Variants in SESN3 observed in about 807,000 individuals in gnomAD.
SESN3 encodes the protein sestrin-3.
A neutral mutation model predicts 55.3 loss-of-function variants in SESN3; 21 were observed. That is an observed-to-expected ratio of 0.38 (90% CI 0.27 to 0.55). The LOEUF is 0.55. Ranked by LOEUF, SESN3 falls within the 20% of genes least tolerant of loss-of-function variation. The pLI, the probability that SESN3 is intolerant of heterozygous loss-of-function variation, is 0.76. For missense variants in SESN3, 408 were observed against 604.3 expected (o/e 0.68, Z 3.41); for synonymous variants, 181 against 203.1 (o/e 0.89, Z 0.93).
chr11:95,175,396 T>C, intron 9 of SESN3, 102 bp downstream of exon 9: 2 of 1,037,490 alleles, frequency 1.9e-6, no homozygotes, highest in African/African-American at 1.6e-5. Context: ...TCCATGTCAA[T>C]GGCTATAATT....
intron 1 of SESN3, among the ~76,000 whole-genome samples, chr11:95,208,826 T>C (rs1414203857): frequency 6.6e-6 from 1 of 151,480 alleles, no homozygotes; most frequent in African/African-American, 2.4e-5. Context: ...AGGAAAGGAT[T>C]CCCTATTTAA....
chr11:95,179,852 T>C (rs1180234542), intron 6 of SESN3, among the ~76,000 whole-genome samples: 2 of 152,176 alleles, frequency 1.3e-5, no homozygotes, highest in Non-Finnish European at 2.9e-5. Flanking sequence ...CAAAGTGGCA[T>C]TCAGGAAGAT....
chr11:95,230,805 T>C lies in SESN3; in HGVS notation c.56A>G (p.Asn19Ser), dbSNP rs1475359439. 2 of 1,607,016 alleles carry C rather than the reference T, an allele frequency of 1.2e-6. No individual in the cohort carries two copies. Among genetic ancestry groups the C allele is most frequent in the Non-Finnish European group, 1.7e-6 (2 of 1,177,728 alleles). ...TACCTTCCGCAGCACTTTCCGGCAG[T>C]TGGTACAGAGCAGGTAGTTGGCGGC... ...SAAANYLLCTNCRKVLRKDKR... is the reference protein window; with the variant it reads ...SAAANYLLCTSCRKVLRKDKR... Residue 19 changes from asparagine to serine, a missense_variant, in exon 1 of 10, where the codon AAC becomes AGC. This residue lies in a region of SESN3 where 61 missense variants were observed against 48.3 expected (regional missense o/e 1.26). Transcript: ENST00000536441. This position sits in a 1 kb window ranked among gnomAD's most constrained non-coding sequence, Gnocchi z 4.6.
At chr11:95,174,149 G>A (rs892587409) in intron 9 of SESN3, among the ~76,000 whole-genome samples, 1 of 152,100 alleles carries the variant, frequency 6.6e-6, no homozygotes, top group Non-Finnish European at 1.5e-5. Context: ...GTGGCTCTAA[G>A]ACTTCAAAAA....
In SESN3 at chr11:95,191,428, T is replaced by A; in HGVS notation, c.318A>T (p.Pro106=). ...CCATTATTGCAATATAGTGCCTGTATGGTAGAGGAAGGGGACCATCCATGC... is the reference window on the plus strand; with the variant it reads ...CCATTATTGCAATATAGTGCCTGTAAGGTAGAGGAAGGGGACCATCCATGC... ...MLRMDGPLPL[P]YRHYIAIMAA... is the part of the protein sequence containing the mutation. Residue 106 remains proline (P), a synonymous_variant, in exon 3 of 10, where the codon CCA becomes CCT. Transcript: ENST00000536441. 6.2e-7 allele frequency: 1 copy of A among 1,612,694 alleles called. No homozygotes were observed. Among genetic ancestry groups the A allele is most frequent in the Non-Finnish European group, 8.5e-7 (1 of 1,179,016 alleles).
Position 95,209,582 on chromosome 11 carries a change from C to T in SESN3, c.79-16060G>A, listed in dbSNP as rs190779813. Reference sequence around the variant, plus strand: ...TCAAAGGATTATAAATCATTCTACTCTAAAGACATATGCACATGTATGTTT... The same window carrying T: ...TCAAAGGATTATAAATCATTCTACTTTAAAGACATATGCACATGTATGTTT... On this transcript the variant is annotated intron_variant, in intron 1 of 9. Transcript: ENST00000536441. Among the ~76,000 whole-genome samples, 8 of 151,476 alleles carry T rather than the reference C, an allele frequency of 5.3e-5. No individual in the cohort carries two copies. In the East Asian group the frequency reaches 1.5e-3, roughly 29 times the overall value.
In SESN3 at chr11:95,167,460, AT is replaced by A. The variant is rs1248434429; in HGVS notation, c.*5794del. 1 of 152,072 alleles carries A rather than the reference AT, an allele frequency of 6.6e-6. No homozygotes were observed. The highest frequency in any genetic ancestry group is 1.5e-5 in the Non-Finnish European group (1 of 68,032). 9.4% of individuals were successfully genotyped at this position (152,072 alleles called of 1,614,324 possible). A position where few individuals can be genotyped will look rare whatever the true frequency, so the allele number is the denominator to read the frequency against. ...AAGCATTCAAAAGAATCAGATATTC[AT>A]TCTGTTTCCCCCCCATATATATAAT... On this transcript the variant is annotated 3_prime_UTR_variant, in exon 10 of 10. Transcript: ENST00000536441.
chr11:95,180,218 TA>T (rs1410646199), intron 6 of SESN3, among the ~76,000 whole-genome samples: 9 of 152,182 alleles, frequency 5.9e-5, no homozygotes, highest in African/African-American at 2.2e-4. Flanking sequence ...TATGGCATAA[TA>T]AAAGACAAAC....
chr11:95,227,841 A>C (rs1186572173), intron 1 of SESN3, among the ~76,000 whole-genome samples: 1 of 152,190 alleles, frequency 6.6e-6, no homozygotes, highest in Non-Finnish European at 1.5e-5. Context: ...TCTAGTTATC[A>C]CTAGAATTTC....
chr11:95,180,112 C>A (rs1860032824), intron 6 of SESN3, among the ~76,000 whole-genome samples: 2 of 151,984 alleles, frequency 1.3e-5, no homozygotes, highest in Admixed American at 1.3e-4. Context: ...AATAAAAGAA[C>A]AAACTAGCTA....
intron 3 of SESN3, among the ~76,000 whole-genome samples, chr11:95,190,774 AG>A (rs1338231355): frequency 3.4e-4 from 52 of 151,910 alleles, no homozygotes; most frequent in African/African-American, 1.3e-3. Flanking sequence ...CTGTCAGCCC[AG>A]TTTCTTCCCC....
At chr11:95,221,815 A>G (rs1860864247) in intron 1 of SESN3, among the ~76,000 whole-genome samples, 1 of 152,236 alleles carries the variant, frequency 6.6e-6, no homozygotes, top group Non-Finnish European at 1.5e-5. Context: ...GTGTCCCTCA[A>G]GGGGCAGTCA....
upstream of SESN3, chr11:95,231,397 T>A (rs1861066035): frequency 5.6e-6 from 2 of 358,540 alleles, no homozygotes; most frequent in Admixed American, 9.4e-5. Context: ...GTTAAGTTTA[T>A]CTCCGAGGCT....
At chr11:95,185,184 T>A in intron 5 of SESN3, 72 bp downstream of exon 5, 1 of 851,574 alleles carries the variant, frequency 1.2e-6, no homozygotes, top group South Asian at 1.6e-5. Context: ...TGGAGAAAAA[T>A]TCTCTCTAGA....
At chr11:95,227,783 CT>C (rs1388571717) in intron 1 of SESN3, among the ~76,000 whole-genome samples, 1 of 152,112 alleles carries the variant, frequency 6.6e-6, no homozygotes, top group Non-Finnish European at 1.5e-5. Context: ...ACCTACCTTC[CT>C]CAATGCAGTT....
intron 1 of SESN3, among the ~76,000 whole-genome samples, chr11:95,214,675 TATCA>T (rs1565474114): frequency 6.6e-6 from 1 of 152,070 alleles, no homozygotes; most frequent in Non-Finnish European, 1.5e-5. Context: ...AAAAACAACA[TATCA>T]ATCCCAAATC....
chr11:95,228,137 G>A (rs1172862293), intron 1 of SESN3, among the ~76,000 whole-genome samples: 1 of 152,110 alleles, frequency 6.6e-6, no homozygotes, highest in African/African-American at 2.4e-5. Flanking sequence ...GGACTTCTAA[G>A]AATAAATGTA....
chr11:95,197,257 C>G (rs938420989), intron 1 of SESN3, among the ~76,000 whole-genome samples: 1 of 152,020 alleles, frequency 6.6e-6, no homozygotes, highest in African/African-American at 2.4e-5. Context: ...CATTGAACAG[C>G]AACTCCCATT....
intron 1 of SESN3, among the ~76,000 whole-genome samples, chr11:95,218,682 G>C (rs912329703): frequency 8.2e-6 from 1 of 121,736 alleles, no homozygotes; most frequent in East Asian, 2.3e-4. Context: ...ACAGCATCTC[G>C]CTCTGTCGCC....
Sources: gnomAD v4.1 joint callset for allele counts (sites outside exome capture counted in the v4.1 genomes callset) on GRCh38, gnomAD v4.1.1 for gene constraint, gnomAD v4.1.1 regional missense constraint, Gnocchi (gnomAD v3.1) non-coding constraint, MANE v1.5 for transcripts, NCBI Gene and HGNC (gene_info 2026-07-23, HGNC 2026-07-21) for gene names.